GLB1L2: variants seen among roughly 807,000 people sequenced by gnomAD.
GLB1L2 encodes the protein beta-galactosidase-1-like protein 2.
Under a neutral mutation model 84.1 loss-of-function variants are expected in GLB1L2, and 68 were observed. The observed-to-expected ratio is 0.81, with a 90% CI of 0.67 to 0.99. The LOEUF is 0.99. Among genes scored for constraint, GLB1L2 ranks in the 50% least tolerant of loss-of-function variants. The pLI is 0.00. For synonymous variants in GLB1L2, 290 were observed against 318.0 expected (o/e 0.91, Z 0.94); for missense variants, 762 against 805.6 (o/e 0.95, Z 0.66).
chr11:134,345,414 A>T (rs1943540126), intron 4 of GLB1L2, among the ~76,000 whole-genome samples: 1 of 152,198 alleles, frequency 6.6e-6, no homozygotes, highest in South Asian at 2.1e-4. Context: ...TGGAGCTGTG[A>T]GTCCTGGCAG....
intron 8 of GLB1L2, among the ~76,000 whole-genome samples, chr11:134,365,728 T>A (rs538397479): frequency 2.6e-5 from 4 of 152,322 alleles, no homozygotes; most frequent in Admixed American, 6.5e-5. Flanking sequence ...AAGGGCTTTA[T>A]GTGCGCAGTC....
rs545199177 is a variant in GLB1L2, at chr11:134,374,038, G to C, written c.1596-107G>C. Reference sequence around the variant, plus strand: ...CCATTCTGTGTCCTGGTTAAGAGGCGGGGGGCCTTGGATGGGGAAACGGTG... The same window carrying C: ...CCATTCTGTGTCCTGGTTAAGAGGCCGGGGGCCTTGGATGGGGAAACGGTG... On this transcript the variant is annotated intron_variant, in intron 16 of 18. Coordinates refer to ENST00000535456, the MANE Select transcript of GLB1L2 (RefSeq NM_001370461.1). 4 of 841,950 alleles carry C rather than the reference G, an allele frequency of 4.8e-6. No homozygotes were observed. In the Admixed American group the frequency reaches 5.8e-5, roughly 12 times the overall value. 52.2% of individuals were successfully genotyped at this position (841,950 alleles called of 1,614,324 possible). A position where few individuals can be genotyped will look rare whatever the true frequency, so the allele number is the denominator to read the frequency against.
intron 16 of GLB1L2, 104 bp from the exon 17 acceptor site, chr11:134,374,041 G>T: frequency 1.2e-6 from 1 of 858,988 alleles, no homozygotes; most frequent in Non-Finnish European, 1.9e-6. Context: ...AAGAGGCGGG[G>T]GGCCTTGGAT....
At chr11:134,332,765 C>G (rs1943322104) in intron 1 of GLB1L2, among the ~76,000 whole-genome samples, 1 of 152,190 alleles carries the variant, frequency 6.6e-6, no homozygotes, top group Non-Finnish European at 1.5e-5. Context: ...TTCCTCTCCC[C>G]CTTTTCCAAA....
chr11:134,356,384 C>A lies in GLB1L2; in HGVS notation c.642C>A (p.Tyr214Ter). The change falls in exon 6 of 19, where the codon TAC becomes TAA. Residue 214 changes from tyrosine (Y) to a stop codon, truncating the protein, a stop_gained. Transcript: ENST00000535456. LOFTEE classifies it high-confidence loss of function. ...ATAAAGACCCCGCATACATGCCCTA[C>A]GTCAAGAAGGTAAGAATCCTCTTAG... The part of the protein sequence containing the change: ...SYNKDPAYMP[Y>*]VKKALEDRGI... The A allele has an allele frequency of 6.2e-7, 1 of 1,610,802 alleles. No homozygotes were observed. Among genetic ancestry groups the A allele is most frequent in the Non-Finnish European group, 8.5e-7 (1 of 1,177,106 alleles).
At chr11:134,356,240 G>C in intron 5 of GLB1L2, 61 bp from the exon 6 acceptor site, 1 of 1,303,426 alleles carries the variant, frequency 7.7e-7, no homozygotes, top group South Asian at 1.2e-5. Flanking sequence ...GGGCGTGGCA[G>C]GGTTGGATAC....
intron 5 of GLB1L2, among the ~76,000 whole-genome samples, chr11:134,351,406 C>T (rs1337353204): frequency 1.7e-4 from 24 of 141,978 alleles, no homozygotes; most frequent in Non-Finnish European, 2.7e-4. Context: ...AGAGCAATGG[C>T]GCTATCTCAG....
intron 1 of GLB1L2, among the ~76,000 whole-genome samples, chr11:134,337,499 A>G (rs1255228736): frequency 6.6e-6 from 1 of 152,242 alleles, no homozygotes; most frequent in East Asian, 1.9e-4. Context: ...CATCTGGGCC[A>G]AAGAGTGAAT....
intron 1 of GLB1L2, among the ~76,000 whole-genome samples, chr11:134,333,540 C>T (rs1279718782): frequency 6.6e-6 from 1 of 152,196 alleles, no homozygotes; most frequent in Admixed American, 6.5e-5. Context: ...TGCAGGGGAC[C>T]CAGGCAGGTC....
chr11:134,353,970 G>A (rs767584657), intron 5 of GLB1L2, among the ~76,000 whole-genome samples: 3 of 152,138 alleles, frequency 2.0e-5, no homozygotes, highest in Non-Finnish European at 4.4e-5. Flanking sequence ...GTTGGATATC[G>A]GTTTGTTAAA....
chr11:134,335,823 T>C (rs1188559532), intron 1 of GLB1L2, among the ~76,000 whole-genome samples: 1 of 152,162 alleles, frequency 6.6e-6, no homozygotes, highest in Non-Finnish European at 1.5e-5. Context: ...ATTCAGGAGA[T>C]GCTGTAGCTT....
chr11:134,347,107 G>A (rs1943561828), intron 4 of GLB1L2: 2 of 525,518 alleles, frequency 3.8e-6, no homozygotes, highest in Admixed American at 3.0e-5. Flanking sequence ...CTTCCACCAG[G>A]CTGTGTCCTT....
chr11:134,342,734 G>C lies in GLB1L2; in HGVS notation c.87-20G>C. The C allele has an allele frequency of 6.2e-7, 1 of 1,609,526 alleles. No individual in the cohort carries two copies. Among genetic ancestry groups the C allele is most frequent in the Non-Finnish European group, 8.5e-7 (1 of 1,177,644 alleles). ...TGCGGCCCGGAGCCTCCAGGCTCCA[G>C]AATGTCTTTGTCTTTCCAGGCTGGA... is the stretch of plus-strand genomic sequence containing the variant. On this transcript the variant is annotated intron_variant, in intron 1 of 18. Transcript: ENST00000535456.
At chr11:134,371,291 T>A (rs1489340504) in intron 13 of GLB1L2, 130 bp from the exon 14 acceptor site, 6 of 1,242,136 alleles carry the variant, frequency 4.8e-6, no homozygotes, top group East Asian at 2.3e-5. Context: ...TCAGGGGGCA[T>A]TCATGTCTGC....
chr11:134,374,029 T>TC, intron 16 of GLB1L2, 116 bp from the exon 17 acceptor site: 2 of 816,272 alleles, frequency 2.5e-6, no homozygotes, highest in Non-Finnish European at 4.2e-6. Context: ...TGTGTCCTGG[T>TC]TAAGAGGCGG....
chr11:134,342,238 G>C (rs1024870609), intron 1 of GLB1L2, among the ~76,000 whole-genome samples: 10 of 152,126 alleles, frequency 6.6e-5, no homozygotes, highest in Non-Finnish European at 1.2e-4. Context: ...TCACCTCGTG[G>C]GGGGTGCGCG....
At chr11:134,350,122 C>T (rs1943606099) in intron 5 of GLB1L2, among the ~76,000 whole-genome samples, 1 of 152,220 alleles carries the variant, frequency 6.6e-6, no homozygotes. Flanking sequence ...GCCATGCCAG[C>T]TGGTGGCTCC....
Position 134,368,799 on chromosome 11 carries a change from C to G in GLB1L2, c.1027+18C>G, listed in dbSNP as rs1398380691. The stretch of plus-strand genomic sequence containing the variant: ...CAGCTATGGCAAGTATTCATCAGCA[C>G]TGCTCTCCCTGGTCTGCCCTGCATG... On this transcript the variant is annotated intron_variant, in intron 10 of 18. Transcript: ENST00000535456. 4 of 1,612,690 alleles carry G rather than the reference C, an allele frequency of 2.5e-6. No individual in the cohort carries two copies. Among genetic ancestry groups the G allele is most frequent in the Admixed American group, 1.7e-5 (1 of 59,996 alleles).
chr11:134,366,517 A>G (rs1168078596), intron 8 of GLB1L2, among the ~76,000 whole-genome samples: 1 of 152,204 alleles, frequency 6.6e-6, no homozygotes, highest in African/African-American at 2.4e-5. Flanking sequence ...AGAGCCTGAA[A>G]TACTAGCGTG....
Sources: gnomAD v4.1 joint callset for allele counts (sites outside exome capture counted in the v4.1 genomes callset) on GRCh38, gnomAD v4.1.1 for gene constraint, MANE v1.5 for transcripts, NCBI Gene and HGNC (gene_info 2026-07-23, HGNC 2026-07-21) for gene names.